Variants in MYLK observed in about 807,000 individuals in gnomAD.
The protein encoded by MYLK is myosin light chain kinase, also known as myosin light chain kinase, smooth muscle.
MYLK carries 106 observed loss-of-function variants against 203.4 expected under a neutral mutation model. That is an observed-to-expected ratio of 0.52 (90% CI 0.45 to 0.61). The LOEUF (loss-of-function observed/expected upper bound fraction) is 0.61, where lower values mean the gene tolerates loss of function less well. Among genes scored for constraint, MYLK ranks in the 20% least tolerant of loss-of-function variants. The pLI, the probability that MYLK is intolerant of heterozygous loss-of-function variation, is 0.00. For missense variants in MYLK, 2,072 were observed against 2,442.3 expected (o/e 0.85, Z 3.20); for synonymous variants, 867 against 959.5 (o/e 0.90, Z 1.78).
chr3:123,715,288 A>C (rs1447762964), intron 13 of MYLK, among the ~76,000 whole-genome samples: 1 of 152,228 alleles, frequency 6.6e-6, no homozygotes, highest in Admixed American at 6.5e-5. Context: ...CATGGGCTGA[A>C]GCAGGTGGTG....
chr3:123,629,629 G>A lies in MYLK; in HGVS notation c.4962-3C>T. The A allele has an allele frequency of 6.2e-7, 1 of 1,613,590 alleles. No homozygotes were observed. Among genetic ancestry groups the A allele is most frequent in the Non-Finnish European group, 8.5e-7 (1 of 1,179,996 alleles). On this transcript the variant is annotated splice_region_variant and splice_polypyrimidine_tract_variant and intron_variant, in intron 29 of 33. Transcript: ENST00000360304. The surrounding 1 kb of genome is among the most constrained non-coding windows in gnomAD (Gnocchi z 4.4). ...TGAAGGGGGAAAGGCCACTGACTCT[G>A]GAGAGACAAGAGCAGGACAGCAGGT...
At chr3:123,850,624 T>A (rs200009615) in intron 2 of MYLK, among the ~76,000 whole-genome samples, 28 of 152,174 alleles carry the variant, frequency 1.8e-4, no homozygotes, top group East Asian at 3.8e-4. Context: ...GTTTGAGTTC[T>A]TTGTAGATTC....
At chr3:123,619,704 G>A (rs2057736565) in intron 32 of MYLK, among the ~76,000 whole-genome samples, 1 of 152,284 alleles carries the variant, frequency 6.6e-6, no homozygotes, top group African/African-American at 2.4e-5. Context: ...GTCCCAGTCT[G>A]CCCAGTTCAA....
At chr3:123,881,496 T>C (rs1017051469) in intron 1 of MYLK, among the ~76,000 whole-genome samples, 17 of 152,152 alleles carry the variant, frequency 1.1e-4, no homozygotes, top group African/African-American at 4.1e-4. Context: ...GTGGGTTGGT[T>C]TGAGCTGTGA....
intron 18 of MYLK, among the ~76,000 whole-genome samples, chr3:123,694,845 C>T (rs2060846123): frequency 6.6e-6 from 1 of 152,220 alleles, no homozygotes; most frequent in Non-Finnish European, 1.5e-5. Context: ...GCTTGGCTAC[C>T]CCAGATGAAG....
chr3:123,868,489 G>A (rs1211803095), intron 2 of MYLK, among the ~76,000 whole-genome samples: 1 of 152,116 alleles, frequency 6.6e-6, no homozygotes, highest in Non-Finnish European at 1.5e-5. Context: ...CAAGCACTTT[G>A]CTTGGATTCT....
At chr3:123,784,242 G>C (rs1380678188) in intron 4 of MYLK, among the ~76,000 whole-genome samples, 1 of 152,152 alleles carries the variant, frequency 6.6e-6, no homozygotes, top group African/African-American at 2.4e-5. Context: ...GCTCTCATTT[G>C]TAAAGAAAAG....
chr3:123,843,074 C>G (rs1198968250), intron 2 of MYLK, among the ~76,000 whole-genome samples: 1 of 152,136 alleles, frequency 6.6e-6, no homozygotes, highest in Non-Finnish European at 1.5e-5. Context: ...AGGCAGGGAC[C>G]TAGAACCAGA....
chr3:123,747,766 C>T (rs1405639379), intron 5 of MYLK, among the ~76,000 whole-genome samples: 1 of 152,216 alleles, frequency 6.6e-6, no homozygotes, highest in Non-Finnish European at 1.5e-5. Context: ...TGGATCTCCT[C>T]TGGGGGCTGC....
Position 123,649,074 on chromosome 3 carries a change from A to G in MYLK, c.4322-10T>C. On this transcript the variant is annotated splice_polypyrimidine_tract_variant and intron_variant, in intron 25 of 33. Transcript: ENST00000360304. The stretch of plus-strand genomic sequence containing the variant: ...TCGGGCTCCTTCTCATCTGTGGGGC[A>G]CAGGTCAGGGTTGGTGTGAGTCTCA... The G allele has an allele frequency of 6.2e-7, 1 of 1,614,114 alleles. No homozygotes were observed. Among genetic ancestry groups the G allele is most frequent in the Non-Finnish European group, 8.5e-7 (1 of 1,180,004 alleles).
intron 13 of MYLK, among the ~76,000 whole-genome samples, chr3:123,721,278 A>T (rs1261961592): frequency 1.3e-5 from 2 of 152,266 alleles, no homozygotes; most frequent in East Asian, 3.9e-4. Flanking sequence ...GTCTGATGGG[A>T]GACCAGTCAC....
intron 20 of MYLK, 95 bp from the exon 21 acceptor site, chr3:123,667,282 TCATCCAG>T: frequency 8.4e-7 from 1 of 1,189,206 alleles, no homozygotes; most frequent in Non-Finnish European, 1.2e-6. Flanking sequence ...CACTGGCCCC[TCATCCAG>T]GGAGGACTCT....
intron 2 of MYLK, among the ~76,000 whole-genome samples, chr3:123,866,759 C>A (rs757264665): frequency 1.3e-5 from 2 of 152,072 alleles, no homozygotes; most frequent in Non-Finnish European, 2.9e-5. Context: ...CTCAGGACAA[C>A]CCTTAGAGTC....
Position 123,738,926 on chromosome 3 carries a change from G to A in MYLK, c.559C>T (p.Arg187Trp), listed in dbSNP as rs372482276. ...AGCCAGGTGACCTGCGGTTGGGGCC[G>A]GCCAGTGATCTTGCAGGAGAATCGT... Reference protein sequence around the residue: ...MGRFSCKITGRPQPQVTWLKG... With the variant: ...MGRFSCKITGWPQPQVTWLKG... Residue 187 changes from arginine (R) to tryptophan (W), a missense_variant, in exon 7 of 34, where the codon CGG becomes TGG. This residue lies in a region of MYLK where 683 missense variants were observed against 643.8 expected (regional missense o/e 1.06). Transcript: ENST00000360304. 1.9e-5 allele frequency: 31 copies of A among 1,612,026 alleles called. No homozygotes were observed. Among genetic ancestry groups the A allele is most frequent in the African/African-American group, 2.7e-5 (2 of 74,876 alleles).
chr3:123,681,588 G>A, intron 20 of MYLK: 1 of 153,604 alleles, frequency 6.5e-6, no homozygotes, highest in Non-Finnish European at 1.5e-5. Context: ...GGAGAGAGGT[G>A]CCAGAGAAGG....
intron 18 of MYLK, among the ~76,000 whole-genome samples, chr3:123,699,252 C>T (rs1388443250): frequency 6.6e-6 from 1 of 152,072 alleles, no homozygotes; most frequent in East Asian, 1.9e-4. Context: ...GTGTCACCCC[C>T]ATCTCTTCTC....
At chr3:123,856,154 T>C (rs2031349990) in intron 2 of MYLK, among the ~76,000 whole-genome samples, 1 of 152,208 alleles carries the variant, frequency 6.6e-6, no homozygotes, top group Non-Finnish European at 1.5e-5. Context: ...AACACCTAGT[T>C]TGGAATCAAC....
chr3:123,718,292 T>A (rs1165106291), intron 13 of MYLK, among the ~76,000 whole-genome samples: 1 of 152,128 alleles, frequency 6.6e-6, no homozygotes, highest in Non-Finnish European at 1.5e-5. Context: ...ACCTCTGTGC[T>A]CTCATCCATT....
intron 20 of MYLK, among the ~76,000 whole-genome samples, chr3:123,679,364 G>T (rs1428447502): frequency 6.6e-6 from 1 of 151,450 alleles, no homozygotes; most frequent in East Asian, 1.9e-4. Context: ...CTGGGCAGCT[G>T]CCTTCTCAGG....
Sources: allele counts gnomAD v4.1 joint callset (sites outside exome capture counted in the v4.1 genomes callset), GRCh38; gene constraint gnomAD v4.1.1; regional missense constraint gnomAD v4.1.1; non-coding constraint Gnocchi (gnomAD v3.1); transcripts MANE v1.5; gene names NCBI Gene and HGNC (gene_info 2026-07-23, HGNC 2026-07-21).